RCAN3: variants seen among roughly 807,000 people sequenced by gnomAD.
RCAN3 encodes the protein regulator of calcineurin 3, also known as calcipressin-3.
A neutral mutation model predicts 21.9 loss-of-function variants in RCAN3; 19 were observed. The ratio of observed to expected loss-of-function variants is 0.87; its 90% confidence interval spans 0.61 to 1.27. The LOEUF is 1.27. Ranked by LOEUF, RCAN3 falls within the 50% of genes most tolerant of loss-of-function variation. The probability of loss-of-function intolerance (pLI) is 0.00; values close to 1 mark genes in which losing one functional copy is unlikely to be tolerated. For missense variants in RCAN3, 240 were observed against 300.1 expected, an observed-to-expected ratio of 0.80 and a Z score of 1.48; for synonymous variants, 114 against 112.3, an observed-to-expected ratio of 1.01 and a Z score of -0.09.
intron 4 of RCAN3, among the ~76,000 whole-genome samples, chr1:24,534,381 T>A (rs901329583): frequency 2.6e-5 from 4 of 152,110 alleles, no homozygotes; most frequent in African/African-American, 9.7e-5. Context: ...AACAGGCAGA[T>A]CACCTGGGGT....
At chr1:24,524,389 A>G (rs1649088226) in intron 2 of RCAN3, among the ~76,000 whole-genome samples, 1 of 152,192 alleles carries the variant, frequency 6.6e-6, no homozygotes, top group Non-Finnish European at 1.5e-5. Context: ...CAACATAAAT[A>G]ATAAAGGTTA....
chr1:24,514,233 T>C (rs1648111712), intron 1 of RCAN3, 81 bp from the exon 2 acceptor site: 3 of 612,510 alleles, frequency 4.9e-6, no homozygotes, highest in South Asian at 3.9e-5. Context: ...ATTTGATGAA[T>C]TGCAGCCTGG....
intron 2 of RCAN3, among the ~76,000 whole-genome samples, chr1:24,526,572 C>T (rs569495992): frequency 6.6e-5 from 10 of 152,098 alleles, no homozygotes; most frequent in African/African-American, 9.7e-5. Context: ...TCATACGATG[C>T]GTTGGTACTA....
chr1:24,530,749 G>A (rs988581815), intron 2 of RCAN3, among the ~76,000 whole-genome samples: 9 of 152,088 alleles, frequency 5.9e-5, no homozygotes, highest in African/African-American at 9.7e-5. Context: ...GGTGGCTCAC[G>A]CCTGTAATCC....
intron 1 of RCAN3, among the ~76,000 whole-genome samples, chr1:24,504,063 T>C (rs1455533515): frequency 6.6e-6 from 1 of 152,240 alleles, no homozygotes; most frequent in East Asian, 1.9e-4. Context: ...TTTAAATTGA[T>C]CTAGAAATGG....
In RCAN3 at chr1:24,535,227, C is replaced by A. The variant is rs749138606; in HGVS notation, c.676C>A (p.Pro226Thr). 1 of 1,583,908 alleles carries A rather than the reference C, an allele frequency of 6.3e-7. No individual in the cohort carries two copies. The highest frequency in any genetic ancestry group is 2.3e-5 in the East Asian group (1 of 43,048). The change falls in exon 5 of 5, where the codon CCT becomes ACT. Residue 226 changes from proline to threonine, a missense_variant. Pro to Thr is a conservative substitution (Grantham distance 38). Coordinates refer to ENST00000374395, the MANE Select transcript of RCAN3 (RefSeq NM_013441.4). ...QKIAQTRRPD[P>T]PTAALNEPQT... is the part of the protein sequence containing the mutation. The stretch of plus-strand genomic sequence containing the variant: ...AATTGCCCAGACGAGGCGCCCCGAC[C>A]CTCCGACCGCAGCGTTGAATGAGCC...
intron 1 of RCAN3, among the ~76,000 whole-genome samples, chr1:24,508,594 C>G (rs1647637812): frequency 6.6e-6 from 1 of 152,144 alleles, no homozygotes; most frequent in Non-Finnish European, 1.5e-5. Flanking sequence ...AAGGCAGGGA[C>G]ACAGGGAGGT....
Position 24,540,121 on chromosome 1 carries a change from T to G in RCAN3, c.*4844T>G, listed in dbSNP as rs1650423623. 1 of 152,230 alleles carries G rather than the reference T, an allele frequency of 6.6e-6. No homozygotes were observed. Among genetic ancestry groups the G allele is most frequent in the Non-Finnish European group, 1.5e-5 (1 of 68,034 alleles). 9.4% of individuals were successfully genotyped at this position (152,230 alleles called of 1,614,324 possible). A position where few individuals can be genotyped will look rare whatever the true frequency, so the allele number is the denominator to read the frequency against. On this transcript the variant is annotated 3_prime_UTR_variant, in exon 5 of 5. Coordinates refer to ENST00000374395, the MANE Select transcript of RCAN3 (RefSeq NM_013441.4). ...TTTCATTGTGAATCAGGGGAAAATG[T>G]TAATCATTTGGAGACTGTTTTCTTA...
intron 1 of RCAN3, among the ~76,000 whole-genome samples, chr1:24,509,817 C>G (rs1282440538): frequency 2.6e-5 from 4 of 152,168 alleles, no homozygotes; most frequent in African/African-American, 9.7e-5. Context: ...TTGCCCAGAT[C>G]TATCTGAGGA....
Position 24,523,554 on chromosome 1 carries a change from T to A in RCAN3, c.196-7664T>A, listed in dbSNP as rs191611197. Among the ~76,000 whole-genome samples, 330 of 149,054 alleles carry A rather than the reference T, an allele frequency of 2.2e-3. 3 individuals carry two copies. The highest frequency in any genetic ancestry group is 7.9e-3 in the African/African-American group (305 of 38,652). On this transcript the variant is annotated intron_variant, in intron 2 of 4. Coordinates refer to ENST00000374395, the MANE Select transcript of RCAN3 (RefSeq NM_013441.4). The stretch of plus-strand genomic sequence containing the variant: ...ATATACACATATATTTACACAAATA[T>A]GTATACACACACATATATAAAGGTA...
intron 2 of RCAN3, among the ~76,000 whole-genome samples, chr1:24,529,390 T>TAAAAAAAGAA (rs1168554555): frequency 4.7e-5 from 7 of 149,498 alleles, no homozygotes; most frequent in Non-Finnish European, 4.4e-5. Flanking sequence ...TCATCTCATT[T>TAAAAAAAGAA]AAAAAAAGAA....
intron 3 of RCAN3, among the ~76,000 whole-genome samples, chr1:24,532,664 A>G (rs530837919): frequency 6.6e-6 from 1 of 150,670 alleles, no homozygotes; most frequent in Non-Finnish European, 1.5e-5. Flanking sequence ...TTTACAAGAA[A>G]TAGGCCAGGC....
intron 2 of RCAN3, among the ~76,000 whole-genome samples, chr1:24,520,954 C>A (rs1648754460): frequency 1.3e-5 from 2 of 152,062 alleles, no homozygotes; most frequent in Non-Finnish European, 2.9e-5. Context: ...AAATAGAAAA[C>A]CTACCCTGAA....
intron 2 of RCAN3, among the ~76,000 whole-genome samples, chr1:24,526,784 T>C (rs1488195117): frequency 6.6e-6 from 1 of 152,206 alleles, no homozygotes; most frequent in Non-Finnish European, 1.5e-5. Flanking sequence ...TCTTAATGTT[T>C]AAAATACATT....
intron 2 of RCAN3, among the ~76,000 whole-genome samples, chr1:24,527,874 A>G (rs949237282): frequency 1.3e-5 from 2 of 151,828 alleles, no homozygotes; most frequent in African/African-American, 4.9e-5. Context: ...TAGGCTTTTC[A>G]TTATCCCAAT....
Position 24,535,272 on chromosome 1 carries a change from C to G in RCAN3, c.721C>G (p.Leu241Val), listed in dbSNP as rs1426338773. 1.3e-6 allele frequency: 2 copies of G among 1,538,328 alleles called. No homozygotes were observed. Among genetic ancestry groups the G allele is most frequent in the Non-Finnish European group, 1.7e-6 (2 of 1,149,674 alleles). ...LNEPQTFDCA[L>V] ...TGAGCCCCAGACCTTTGATTGCGCG[C>G]TGTGAGGCCCTTGGTTGTGGTGCGA... The change falls in exon 5 of 5, where the codon CTG (leucine) becomes GTG (valine). Residue 241 changes from leucine to valine, a missense_variant. Transcript: ENST00000374395.
intron 2 of RCAN3, among the ~76,000 whole-genome samples, chr1:24,526,981 CTGATA>C (rs1291237923): frequency 5.3e-5 from 8 of 152,124 alleles, no homozygotes; most frequent in Admixed American, 1.3e-4. Flanking sequence ...CTTTTAAGAA[CTGATA>C]TGCTACTTTA....
rs1276840539 is a variant in RCAN3, at chr1:24,535,434, A to G, written c.*157A>G. 1.5e-5 allele frequency: 10 copies of G among 669,970 alleles called. No individual in the cohort carries two copies. Among genetic ancestry groups the G allele is most frequent in the Non-Finnish European group, 2.2e-5 (10 of 456,082 alleles). The allele number at this position is 669,970 out of a possible 1,614,324, so 41.5% of individuals were successfully genotyped here. A position where few individuals can be genotyped will look rare whatever the true frequency, so the allele number is the denominator to read the frequency against. On this transcript the variant is annotated 3_prime_UTR_variant, in exon 5 of 5. Coordinates refer to ENST00000374395, the MANE Select transcript of RCAN3 (RefSeq NM_013441.4). ...GCCTGTACTGCAGACACGGTCGTGT[A>G]GAGTAGCAGCTGATTTGACCTGTCC...
In RCAN3 at chr1:24,514,553, G is replaced by T. The variant is rs780211129; in HGVS notation, c.181G>T (p.Ala61Ser). 2.0e-5 allele frequency: 33 copies of T among 1,613,576 alleles called. No individual in the cohort carries two copies. The South Asian group carries it at 3.6e-4, about 18-fold the overall frequency. The change falls in exon 2 of 5, where the codon GCA (alanine) becomes TCA (serine). Residue 61 changes from alanine to serine, a missense_variant. Coordinates refer to ENST00000374395, the MANE Select transcript of RCAN3 (RefSeq NM_013441.4). ...CAGCGTCCATGAAGCAGTGTTTGAGGCACGAGAGCAGAAGGTAGGCATCTA... is the reference window on the plus strand; with the variant it reads ...CAGCGTCCATGAAGCAGTGTTTGAGTCACGAGAGCAGAAGGTAGGCATCTA... ...ACSVHEAVFE[A>S]REQKERFEAL... is the part of the protein sequence containing the mutation.
Sources: allele counts gnomAD v4.1 joint callset (sites outside exome capture counted in the v4.1 genomes callset), GRCh38; gene constraint gnomAD v4.1.1; transcripts MANE v1.5; gene names NCBI Gene and HGNC (gene_info 2026-07-23, HGNC 2026-07-21).